Variants in FMN1 observed in about 807,000 individuals in gnomAD.
The protein encoded by FMN1 is formin 1.
A neutral mutation model predicts 132.4 loss-of-function variants in FMN1; 110 were observed. The observed-to-expected ratio is 0.83, with a 90% CI of 0.71 to 0.97. The LOEUF is 0.97. Ranked by LOEUF, FMN1 falls within the 50% of genes least tolerant of loss-of-function variation. The pLI is 0.00. For synonymous variants in FMN1, 722 were observed against 651.7 expected (o/e 1.11, Z -1.64); for missense variants, 1,792 against 1,705.3 (o/e 1.05, Z -0.90).
chr15:32,968,717 C>G lies in FMN1; in HGVS notation c.2984G>C (p.Arg995Thr). The G allele has an allele frequency of 1.2e-6, 2 of 1,613,524 alleles. No homozygotes were observed. Among genetic ancestry groups the G allele is most frequent in the Non-Finnish European group, 1.7e-6 (2 of 1,179,712 alleles). ...LYWTRIQISD[R>T]SQNATPTLWD... Reference sequence around the variant, plus strand: ...AATGGGATAGGGGAGAACTTACCTCCTATCACTTATTTGTATCCTAGTCCA... The same window carrying G: ...AATGGGATAGGGGAGAACTTACCTCGTATCACTTATTTGTATCCTAGTCCA... Residue 995 changes from arginine to threonine, a missense_variant, in exon 8 of 21, where the codon AGG (arginine) becomes ACG (threonine). By Grantham distance (71) the Arg-to-Thr change is moderately conservative. Coordinates refer to ENST00000616417, the MANE Select transcript of FMN1 (RefSeq NM_001277313.2).
At chr15:33,057,967 C>T (rs969353837) in intron 6 of FMN1, among the ~76,000 whole-genome samples, 1 of 110,648 alleles carries the variant, frequency 9.0e-6, no homozygotes, top group Admixed American at 8.6e-5. Flanking sequence ...AGGAACTAAA[C>T]TGCAAGTGAA....
chr15:32,787,769 C>G (rs551307105), intron 19 of FMN1, among the ~76,000 whole-genome samples: 1 of 152,164 alleles, frequency 6.6e-6, no homozygotes, highest in Admixed American at 6.5e-5. Flanking sequence ...AGGAGGATCA[C>G]TTGATCCCAG....
rs774648692 is a variant in FMN1 at position 32,895,167 on chromosome 15, G to A, written c.3714+3667C>T. 3.3e-4 allele frequency among the ~76,000 whole-genome samples: 50 copies of A among 152,156 alleles called. 1 individual carries two copies. The highest frequency in any genetic ancestry group is 1.2e-4 in the Non-Finnish European group (8 of 68,022). ...AAAGGTTACACGTATTTCTAGGGCT[G>A]TTGATACAGAAAGGTTGAAAACCTT... On this transcript the variant is annotated intron_variant, in intron 15 of 20. Transcript: ENST00000616417.
At chr15:32,807,080 T>C (rs989865384) in intron 17 of FMN1, among the ~76,000 whole-genome samples, 1 of 152,194 alleles carries the variant, frequency 6.6e-6, no homozygotes, top group East Asian at 1.9e-4. Flanking sequence ...TCATTTTAGC[T>C]TAAAAATGCA....
intron 7 of FMN1, among the ~76,000 whole-genome samples, chr15:32,988,285 T>C (rs1023358692): frequency 6.6e-6 from 1 of 152,054 alleles, no homozygotes; most frequent in Non-Finnish European, 1.5e-5. Flanking sequence ...AGATAAAGCG[T>C]TGGGGAAGAG....
intron 5 of FMN1, among the ~76,000 whole-genome samples, chr15:33,081,917 CCCAG>C (rs1402181343): frequency 6.6e-6 from 1 of 152,062 alleles, no homozygotes; most frequent in Admixed American, 6.6e-5. Context: ...CTTTGTCTTC[CCCAG>C]ACAATTAAGC....
At chr15:32,863,399 A>C (rs911211536) in intron 16 of FMN1, among the ~76,000 whole-genome samples, 4 of 152,154 alleles carry the variant, frequency 2.6e-5, no homozygotes, top group Non-Finnish European at 4.4e-5. Context: ...GTGCCACTGC[A>C]CTCCAGCCTG....
intron 16 of FMN1, among the ~76,000 whole-genome samples, chr15:32,887,735 T>A (rs1184033634): frequency 1.3e-5 from 2 of 152,188 alleles, no homozygotes; most frequent in African/African-American, 4.8e-5. Context: ...TTGATTAGAC[T>A]TGATTAGAGC....
intron 7 of FMN1, among the ~76,000 whole-genome samples, chr15:32,990,703 A>G (rs1209486384): frequency 6.6e-6 from 1 of 152,202 alleles, no homozygotes; most frequent in Non-Finnish European, 1.5e-5. Flanking sequence ...GGTAATTATA[A>G]GGAAAGAGGT....
At chr15:33,101,593 T>A (rs1280025699) in intron 4 of FMN1, among the ~76,000 whole-genome samples, 1 of 152,112 alleles carries the variant, frequency 6.6e-6, no homozygotes, top group East Asian at 1.9e-4. Flanking sequence ...GCCCCCTAAC[T>A]CAAATCCCAG....
chr15:32,946,457 T>C (rs1462363403), intron 9 of FMN1, among the ~76,000 whole-genome samples: 1 of 152,208 alleles, frequency 6.6e-6, no homozygotes, highest in African/African-American at 2.4e-5. Flanking sequence ...CTTCTAGTCC[T>C]GTGGCCTCTC....
intron 16 of FMN1, among the ~76,000 whole-genome samples, chr15:32,857,634 A>G (rs2059166641): frequency 6.6e-6 from 1 of 152,226 alleles, no homozygotes; most frequent in Non-Finnish European, 1.5e-5. Flanking sequence ...GGACCCTGTC[A>G]GTTCTTCATG....
intron 6 of FMN1, chr15:33,012,980 A>G (rs1412938281): frequency 1.1e-5 from 5 of 453,048 alleles, no homozygotes; most frequent in Non-Finnish European, 2.2e-5. Context: ...TCTGGTTCCT[A>G]TGATGGTGGA....
intron 6 of FMN1, among the ~76,000 whole-genome samples, chr15:33,009,068 G>C (rs2034568425): frequency 6.6e-6 from 1 of 152,192 alleles, no homozygotes; most frequent in Admixed American, 6.5e-5. Context: ...GAAAAGTAGT[G>C]TTGCTGCTGA....
chr15:33,006,015 A>G (rs1229522834), intron 7 of FMN1, among the ~76,000 whole-genome samples: 2 of 152,156 alleles, frequency 1.3e-5, no homozygotes, highest in Non-Finnish European at 2.9e-5. Context: ...TAGGGCTTGA[A>G]TTCATACACC....
intron 6 of FMN1, among the ~76,000 whole-genome samples, chr15:33,034,083 A>G (rs1053443885): frequency 1.3e-5 from 2 of 152,174 alleles, no homozygotes; most frequent in African/African-American, 2.4e-5. Flanking sequence ...CCAGTTTTAC[A>G]TGTACAAATG....
intron 7 of FMN1, among the ~76,000 whole-genome samples, chr15:32,991,822 C>T (rs1018501073): frequency 2.0e-5 from 3 of 152,134 alleles, no homozygotes; most frequent in Non-Finnish European, 4.4e-5. Context: ...TCAAAGGCCA[C>T]AGGCATTATA....
chr15:33,051,498 G>A (rs12901399), intron 6 of FMN1, among the ~76,000 whole-genome samples: 20,928 of 67,320 alleles, frequency 0.31, 1,609 homozygotes, highest in Middle Eastern at 0.41. Context: ...TGACAGTGCC[G>A]CTCTAATAAT....
intron 4 of FMN1, among the ~76,000 whole-genome samples, chr15:33,112,427 T>C (rs984554396): frequency 6.6e-6 from 1 of 152,122 alleles, no homozygotes; most frequent in African/African-American, 2.4e-5. Flanking sequence ...ATTCTTTTAA[T>C]TAAGAAAAGA....
Sources: allele counts gnomAD v4.1 joint callset (sites outside exome capture counted in the v4.1 genomes callset), GRCh38; gene constraint gnomAD v4.1.1; transcripts MANE v1.5; gene names NCBI Gene and HGNC (gene_info 2026-07-23, HGNC 2026-07-21).